The following PAX3 variants were observed in gnomAD, a reference collection of about 807,000 sequenced individuals.
PAX3 encodes the protein paired box 3.
Under a neutral mutation model 51.6 loss-of-function variants are expected in PAX3, and 14 were observed. The observed-to-expected ratio is 0.27, with a 90% CI of 0.18 to 0.42. The LOEUF (loss-of-function observed/expected upper bound fraction) is 0.42. PAX3 is among the 10% of genes least tolerant of loss of function. The pLI is 1.00. For missense variants in PAX3, 540 were observed against 642.8 expected (o/e 0.84, Z 1.73); for synonymous variants, 280 against 253.4 (o/e 1.11, Z -1.00).
chr2:222,233,638 C>T (rs376624875), intron 4 of PAX3, among the ~76,000 whole-genome samples: 120 of 152,192 alleles, frequency 7.9e-4, no homozygotes, highest in African/African-American at 2.7e-3. Flanking sequence ...GCAGGAAGAG[C>T]AGCCCTCTCC....
chr2:222,260,556 TTTTTTTTTGTTTTTTTTTTTTG>T (rs1693808526), intron 4 of PAX3, among the ~76,000 whole-genome samples: 2 of 66,490 alleles, frequency 3.0e-5, no homozygotes, highest in East Asian at 1.4e-3. Flanking sequence ...ACACAAGTTT[TTTTTTTTTGTTTTTTTTTTTTG>T]TTTTTTTTTT....
At chr2:222,278,700 C>A (rs1307859356) in intron 4 of PAX3, among the ~76,000 whole-genome samples, 1 of 152,212 alleles carries the variant, frequency 6.6e-6, no homozygotes, top group Admixed American at 6.5e-5. Flanking sequence ...CAGCAAGGAG[C>A]TCCTTCATAG....
intron 4 of PAX3, among the ~76,000 whole-genome samples, chr2:222,287,873 A>G (rs1449860049): frequency 6.6e-6 from 1 of 152,242 alleles, no homozygotes; most frequent in Non-Finnish European, 1.5e-5. Flanking sequence ...AAATAAAACA[A>G]TAAAGCCTCA....
In PAX3 at chr2:222,223,651, C is replaced by T. The variant is rs148775228; in HGVS notation, c.793-2264G>A. 3.5e-3 allele frequency among the ~76,000 whole-genome samples: 537 copies of T among 152,270 alleles called. 4 individuals carry two copies. The highest frequency in any genetic ancestry group is 0.012 in the African/African-American group (496 of 41,540). On this transcript the variant is annotated intron_variant, in intron 5 of 8. Coordinates refer to ENST00000392070, the MANE Select transcript of PAX3 (RefSeq NM_181458.4). ...AATACGTCAAGACTAAGGAGGTACT[C>T]CCGGCTCAGATCAGGTAGTCCTCTG...
rs1025208784 is a variant in PAX3 at position 222,200,312 on chromosome 2, T to C, written c.*1096A>G. ...AATTTAAAAGTACATGAGAGCCATGTGAACACTTCTGTTCTTGCCCTGCCT... is the reference window on the plus strand; with the variant it reads ...AATTTAAAAGTACATGAGAGCCATGCGAACACTTCTGTTCTTGCCCTGCCT... On this transcript the variant is annotated 3_prime_UTR_variant, in exon 9 of 9. Coordinates refer to ENST00000392070, the MANE Select transcript of PAX3 (RefSeq NM_181458.4). The C allele has an allele frequency of 4.6e-6, 1 of 219,586 alleles. No individual in the cohort carries two copies. The highest frequency in any genetic ancestry group is 2.2e-5 in the African/African-American group (1 of 44,586). The allele number at this position is 219,586 out of a possible 1,614,324, so 13.6% of individuals were successfully genotyped here. A position where few individuals can be genotyped will look rare whatever the true frequency, so the allele number is the denominator to read the frequency against.
At chr2:222,251,243 A>G (rs1302670994) in intron 4 of PAX3, among the ~76,000 whole-genome samples, 9 of 152,096 alleles carry the variant, frequency 5.9e-5, no homozygotes, top group African/African-American at 1.9e-4. Flanking sequence ...TCCTAATGCT[A>G]TCCCTCCACC....
chr2:222,289,235 A>T (rs953371058), intron 4 of PAX3, among the ~76,000 whole-genome samples: 2 of 151,616 alleles, frequency 1.3e-5, no homozygotes, highest in African/African-American at 4.8e-5. Context: ...CCCAAGCCAA[A>T]CTCTCATTTC....
rs1284621282 is a variant in PAX3, at chr2:222,298,925, C to T, written c.-310G>A. ...TCCCTGAAAAGGGGGCTCAGAGAGC[C>T]ACGGCGAGCCGGGGAGCCTGGTGAG... On this transcript the variant is annotated 5_prime_UTR_variant, in exon 1 of 9. Coordinates refer to ENST00000392070, the MANE Select transcript of PAX3 (RefSeq NM_181458.4). 1 of 496,552 alleles carries T rather than the reference C, an allele frequency of 2.0e-6. No individual in the cohort carries two copies. Among genetic ancestry groups the T allele is most frequent in the Non-Finnish European group, 3.7e-6 (1 of 273,628 alleles). The allele number at this position is 496,552 out of a possible 1,614,324, so 30.8% of individuals were successfully genotyped here.
At chr2:222,226,099 T>C (rs1465780142) in intron 5 of PAX3, among the ~76,000 whole-genome samples, 2 of 152,222 alleles carry the variant, frequency 1.3e-5, no homozygotes, top group African/African-American at 4.8e-5. Flanking sequence ...GCCTACATTA[T>C]TCAAGACGGA....
chr2:222,276,167 G>A (rs763801792), intron 4 of PAX3, among the ~76,000 whole-genome samples: 2 of 152,208 alleles, frequency 1.3e-5, no homozygotes, highest in Non-Finnish European at 2.9e-5. Context: ...CTAACTTCCC[G>A]GCAGAATCAT....
chr2:222,202,325 G>A, intron 7 of PAX3, 135 bp from the exon 8 acceptor site: 1 of 740,458 alleles, frequency 1.4e-6, no homozygotes, highest in Non-Finnish European at 2.4e-6. Context: ...AGGAGACTAT[G>A]AACCCAATTC....
intron 7 of PAX3, among the ~76,000 whole-genome samples, chr2:222,210,961 G>A (rs1691702409): frequency 6.6e-6 from 1 of 152,018 alleles, no homozygotes; most frequent in Admixed American, 6.6e-5. Context: ...CACCCTCCTG[G>A]GCTTAAGCTG....
intron 4 of PAX3, among the ~76,000 whole-genome samples, chr2:222,256,818 TC>T (rs1693664296): frequency 6.6e-6 from 1 of 152,236 alleles, no homozygotes; most frequent in Non-Finnish European, 1.5e-5. Context: ...GAACTCGCTT[TC>T]CATTTTGAAA....
intron 4 of PAX3, among the ~76,000 whole-genome samples, chr2:222,238,651 T>C (rs1451632085): frequency 6.6e-6 from 1 of 152,210 alleles, no homozygotes; most frequent in African/African-American, 2.4e-5. Flanking sequence ...ATTTATTTAC[T>C]ATAAGATGGC....
At position 222,294,225 on chromosome 2, in the gene PAX3, C is replaced by T. The variant is rs758785525; in HGVS notation, c.528G>A (p.Glu176=). Residue 176 remains glutamate, a synonymous_variant, in exon 4 of 9, where the codon GAG becomes GAA. Transcript: ENST00000392070. The part of the protein sequence containing the change: ...EEEEADLERK[E]AEESEKKAKH... ...TGGCCTTCTTCTCGCTTTCCTCTGC[C>T]TCCTTCCTCTCCAAGTCGGCCTCCT... The T allele has an allele frequency of 6.2e-7, 1 of 1,614,280 alleles. No homozygotes were observed. Among genetic ancestry groups the T allele is most frequent in the Admixed American group, 1.7e-5 (1 of 60,034 alleles).
At chr2:222,264,234 G>A (rs192857020) in intron 4 of PAX3, 2 of 152,334 alleles carry the variant, frequency 1.3e-5, no homozygotes, top group East Asian at 3.9e-4. Context: ...AAATACTGAT[G>A]CATGCTACAA....
intron 8 of PAX3, 191 bp from the exon 9 acceptor site, chr2:222,201,633 C>T: frequency 7.6e-7 from 1 of 1,312,198 alleles, no homozygotes; most frequent in Non-Finnish European, 1.0e-6. Flanking sequence ...GATCCTGGAG[C>T]TGACCTCATT....
At chr2:222,249,181 T>A (rs1381201029) in intron 4 of PAX3, among the ~76,000 whole-genome samples, 1 of 152,204 alleles carries the variant, frequency 6.6e-6, no homozygotes, top group Non-Finnish European at 1.5e-5. Flanking sequence ...TAAACTTTAT[T>A]AGCAAGAATT....
intron 3 of PAX3, among the ~76,000 whole-genome samples, chr2:222,295,313 C>A (rs1013368300): frequency 1.3e-5 from 2 of 152,180 alleles, no homozygotes; most frequent in Non-Finnish European, 2.9e-5. Flanking sequence ...GCGTCCTCAG[C>A]GGTGGTCTCG....
Sources: gnomAD v4.1 joint callset for allele counts (sites outside exome capture counted in the v4.1 genomes callset) on GRCh38, gnomAD v4.1.1 for gene constraint, MANE v1.5 for transcripts, NCBI Gene and HGNC (gene_info 2026-07-23, HGNC 2026-07-21) for gene names.